The following TIMD4 variants were observed in gnomAD, a reference collection of about 807,000 sequenced individuals.
The protein encoded by TIMD4 is T cell immunoglobulin and mucin domain containing 4.
TIMD4 carries 31 observed loss-of-function variants against 41.2 expected under a neutral mutation model. The ratio of observed to expected loss-of-function variants is 0.75; its 90% CI spans 0.57 to 1.01. The LOEUF is 1.01. Among genes scored for constraint, TIMD4 ranks in the 50% least tolerant of loss-of-function variants. TIMD4 has a pLI of 0.00. For missense variants in TIMD4, 479 were observed against 472.5 expected, an observed-to-expected ratio of 1.01 and a Z score of -0.13; for synonymous variants, 204 against 177.1, an observed-to-expected ratio of 1.15 and a Z score of -1.21.
In TIMD4 at chr5:156,963,155, C is replaced by A. The variant is rs1312370428; in HGVS notation, c.44G>T (p.Trp15Leu). ...PLILWLMIEF[W>L]WLYLTPVTSE... is the part of the protein sequence containing the mutation. ...AGAACACTTACTCAGGTAAAGCCACCAAAACTCAATCATCAGCCAGAGAAT... is the reference window on the plus strand; with the variant it reads ...AGAACACTTACTCAGGTAAAGCCACAAAAACTCAATCATCAGCCAGAGAAT... The change falls in exon 1 of 9, where the codon TGG becomes TTG. Residue 15 changes from tryptophan (W) to leucine (L), a missense_variant. Coordinates refer to ENST00000274532, the MANE Select transcript of TIMD4 (RefSeq NM_138379.3). 5 of 1,614,074 alleles carry A rather than the reference C, an allele frequency of 3.1e-6. No homozygotes were observed. The highest frequency in any genetic ancestry group is 1.1e-5 in the South Asian group (1 of 91,072).
chr5:156,922,001 T>A (rs1759250513), intron 7 of TIMD4, 98 bp downstream of exon 7: 1 of 889,026 alleles, frequency 1.1e-6, no homozygotes, highest in African/African-American at 1.7e-5. Context: ...TGAGCCTCTT[T>A]GGGGAGGGAT....
intron 5 of TIMD4, among the ~76,000 whole-genome samples, chr5:156,927,708 T>C (rs77755842): frequency 6.6e-6 from 1 of 151,804 alleles, no homozygotes; most frequent in African/African-American, 2.4e-5. Flanking sequence ...AATGTGGGGG[T>C]AAGAAAGAGA....
intron 1 of TIMD4, among the ~76,000 whole-genome samples, chr5:156,956,970 G>A (rs965995131): frequency 1.3e-5 from 2 of 151,928 alleles, no homozygotes; most frequent in Non-Finnish European, 2.9e-5. Context: ...AGGTGGACAT[G>A]AGCCCTAAGA....
intron 3 of TIMD4, 26 bp downstream of exon 3, chr5:156,951,483 TCTA>T: frequency 1.2e-6 from 2 of 1,612,576 alleles, no homozygotes; most frequent in Non-Finnish European, 1.7e-6. Flanking sequence ...ACAGCACTGT[TCTA>T]AGAAACCCAA....
At chr5:156,932,451 C>T (rs1672822242) in intron 5 of TIMD4, among the ~76,000 whole-genome samples, 1 of 152,176 alleles carries the variant, frequency 6.6e-6, no homozygotes, top group Non-Finnish European at 1.5e-5. Flanking sequence ...TGGAAAGCTG[C>T]ACAATAGATA....
chr5:156,923,631 C>T (rs1035772435), intron 6 of TIMD4, among the ~76,000 whole-genome samples: 3 of 151,626 alleles, frequency 2.0e-5, no homozygotes, highest in African/African-American at 4.8e-5. Context: ...CTTGAATTCC[C>T]GGGTTCAAGC....
At chr5:156,944,546 C>G (rs1024360549) in intron 5 of TIMD4, among the ~76,000 whole-genome samples, 2 of 149,244 alleles carry the variant, frequency 1.3e-5, no homozygotes, top group African/African-American at 5.0e-5. Context: ...GTTATTTCCC[C>G]CAGGCTGGAG....
At chr5:156,952,135 C>A (rs1759873420) in intron 2 of TIMD4, among the ~76,000 whole-genome samples, 1 of 151,870 alleles carries the variant, frequency 6.6e-6, no homozygotes, top group Non-Finnish European at 1.5e-5. Flanking sequence ...ACTAAAAATA[C>A]AAAAATTAGC....
chr5:156,926,344 T>C (rs935799965), intron 5 of TIMD4, 32 bp from the exon 6 acceptor site: 1 of 1,611,406 alleles, frequency 6.2e-7, no homozygotes, highest in Non-Finnish European at 8.5e-7. Context: ...AATGGTTATA[T>C]GTCTGGTTGG....
chr5:156,931,515 C>T (rs1759444430), intron 5 of TIMD4, among the ~76,000 whole-genome samples: 1 of 152,200 alleles, frequency 6.6e-6, no homozygotes, highest in African/African-American at 2.4e-5. Context: ...CTCCACTTTT[C>T]CTGGGTCCAT....
intron 1 of TIMD4, among the ~76,000 whole-genome samples, chr5:156,956,115 C>T (rs1759965276): frequency 1.3e-5 from 2 of 152,192 alleles, no homozygotes; most frequent in African/African-American, 2.4e-5. Flanking sequence ...TAATCAACAT[C>T]TCCCCTTTCA....
At chr5:156,927,868 C>T (rs957987723) in intron 5 of TIMD4, among the ~76,000 whole-genome samples, 2 of 151,976 alleles carry the variant, frequency 1.3e-5, no homozygotes, top group Admixed American at 6.6e-5. Flanking sequence ...ACTGAGTGAC[C>T]GTGGGGCACA....
intron 4 of TIMD4, among the ~76,000 whole-genome samples, chr5:156,948,740 A>C (rs959504055): frequency 3.9e-5 from 6 of 152,232 alleles, no homozygotes; most frequent in African/African-American, 1.4e-4. Flanking sequence ...AGGCCCAGAG[A>C]GATTAGGTAG....
intron 1 of TIMD4, among the ~76,000 whole-genome samples, chr5:156,957,254 C>T (rs1028897795): frequency 2.0e-5 from 3 of 152,066 alleles, no homozygotes; most frequent in Non-Finnish European, 4.4e-5. Context: ...TGGCTTATGC[C>T]TGTAATCCCA....
chr5:156,957,760 T>C (rs1760000729), intron 1 of TIMD4, among the ~76,000 whole-genome samples: 1 of 151,176 alleles, frequency 6.6e-6, no homozygotes, highest in Non-Finnish European at 1.5e-5. Flanking sequence ...CCCAGGAGTT[T>C]GAGGCTGCAG....
intron 3 of TIMD4, among the ~76,000 whole-genome samples, chr5:156,949,942 C>G (rs556505479): frequency 2.0e-5 from 3 of 152,080 alleles, no homozygotes; most frequent in Non-Finnish European, 2.9e-5. Flanking sequence ...CTCAGCCTCC[C>G]GAGCAGCTGG....
At chr5:156,951,929 T>C in intron 2 of TIMD4, 139 bp from the exon 3 acceptor site, 1 of 1,165,326 alleles carries the variant, frequency 8.6e-7, no homozygotes, top group Non-Finnish European at 1.2e-6. Flanking sequence ...CCCAATAAAA[T>C]TGTGTTTCCT....
chr5:156,949,932 C>T (rs1759822900), intron 3 of TIMD4, among the ~76,000 whole-genome samples: 1 of 152,140 alleles, frequency 6.6e-6, no homozygotes, highest in South Asian at 2.1e-4. Flanking sequence ...ATTCTCCTGC[C>T]TCAGCCTCCC....
intron 2 of TIMD4, 146 bp from the exon 3 acceptor site, chr5:156,951,936 T>A: frequency 9.3e-7 from 1 of 1,079,554 alleles, no homozygotes; most frequent in Non-Finnish European, 1.4e-6. Context: ...AAATTGTGTT[T>A]CCTGCCCCCA....
Sources: allele counts gnomAD v4.1 joint callset (sites outside exome capture counted in the v4.1 genomes callset), GRCh38; gene constraint gnomAD v4.1.1; transcripts MANE v1.5; gene names NCBI Gene and HGNC (gene_info 2026-07-23, HGNC 2026-07-21).